ATP10A: variants seen among roughly 807,000 people sequenced by gnomAD.
ATP10A encodes phospholipid-transporting ATPase VA.
ATP10A carries 111 observed loss-of-function variants against 147.8 expected under a neutral mutation model. The observed-to-expected ratio is 0.75, with a 90% CI of 0.64 to 0.88. ATP10A has a LOEUF of 0.88. Ranked by LOEUF, ATP10A falls within the 40% of genes least tolerant of loss-of-function variation. The probability of loss-of-function intolerance (pLI) is 0.00; values close to 1 mark genes in which losing one functional copy is unlikely to be tolerated. For missense variants in ATP10A, 1,927 were observed against 1,959.0 expected, an observed-to-expected ratio of 0.98 and a Z score of 0.31; for synonymous variants, 875 against 841.6, an observed-to-expected ratio of 1.04 and a Z score of -0.69.
chr15:25,834,982 G>C (rs1401384770), intron 1 of ATP10A, among the ~76,000 whole-genome samples: 1 of 152,166 alleles, frequency 6.6e-6, no homozygotes, highest in Non-Finnish European at 1.5e-5. Flanking sequence ...AATGTGCTAG[G>C]CCAGGTGCAG....
intron 5 of ATP10A, among the ~76,000 whole-genome samples, chr15:25,724,586 G>A (rs919548194): frequency 4.6e-5 from 7 of 152,168 alleles, no homozygotes; most frequent in African/African-American, 1.7e-4. Context: ...ACACCCACTT[G>A]GTGTAGCCCT....
chr15:25,727,616 C>A (rs1377096712), intron 3 of ATP10A, among the ~76,000 whole-genome samples: 1 of 152,220 alleles, frequency 6.6e-6, no homozygotes, highest in African/African-American at 2.4e-5. Context: ...GGTCTCTGTA[C>A]ATCTCCTGCT....
intron 1 of ATP10A, among the ~76,000 whole-genome samples, chr15:25,857,084 T>C (rs901823505): frequency 6.6e-6 from 1 of 152,186 alleles, no homozygotes; most frequent in Admixed American, 6.5e-5. Flanking sequence ...AGCATACATA[T>C]TGAAAAGTAC....
chr15:25,750,557 T>TTGACAGCCAGTTCATCCTTAAGC (rs1169165295), intron 2 of ATP10A, among the ~76,000 whole-genome samples: 1 of 152,142 alleles, frequency 6.6e-6, no homozygotes, highest in Non-Finnish European at 1.5e-5. Flanking sequence ...GTTTTGTTAT[T>TTGACAGCCAGTTCATCCTTAAGC]TGACAGCCAG....
chr15:25,786,512 C>T (rs1167268028), intron 1 of ATP10A, among the ~76,000 whole-genome samples: 1 of 152,030 alleles, frequency 6.6e-6, no homozygotes, highest in African/African-American at 2.4e-5. Context: ...GTGGACCTCC[C>T]CTACAAAGGC....
In ATP10A at chr15:25,680,311, G is replaced by T; in HGVS notation, c.3679-3C>A. On this transcript the variant is annotated splice_polypyrimidine_tract_variant and splice_region_variant and intron_variant, in intron 19 of 20. Coordinates refer to ENST00000555815, the MANE Select transcript of ATP10A (RefSeq NM_024490.4). ...CACGTTATCCAGTTGAGCCAGGTCT[G>T]AGGGGGAATGAGAAAGAAAGGGCTT... 1 of 1,612,698 alleles carries T rather than the reference G, an allele frequency of 6.2e-7. No individual in the cohort carries two copies. The highest frequency in any genetic ancestry group is 8.5e-7 in the Non-Finnish European group (1 of 1,179,310).
intron 2 of ATP10A, among the ~76,000 whole-genome samples, chr15:25,752,125 T>G: frequency 6.6e-6 from 1 of 152,098 alleles, no homozygotes; most frequent in East Asian, 1.9e-4. Flanking sequence ...AAACTAAAAA[T>G]AGAATTACCA....
intron 2 of ATP10A, among the ~76,000 whole-genome samples, chr15:25,772,616 T>C (rs1161161955): frequency 6.6e-6 from 1 of 152,320 alleles, no homozygotes; most frequent in East Asian, 1.9e-4. Flanking sequence ...TGGCCTTCTT[T>C]ACCACACAAA....
intron 3 of ATP10A, among the ~76,000 whole-genome samples, chr15:25,730,169 T>A (rs1377048978): frequency 6.7e-6 from 1 of 148,622 alleles, no homozygotes; most frequent in Non-Finnish European, 1.5e-5. Context: ...GGCATGGTGG[T>A]ACACACCTGT....
chr15:25,684,126 T>C (rs1899578897), intron 16 of ATP10A: 3 of 152,324 alleles, frequency 2.0e-5, no homozygotes, highest in African/African-American at 4.8e-5. Flanking sequence ...CTGATCCTCA[T>C]AGCTACAGCT....
intron 5 of ATP10A, 150 bp downstream of exon 5, chr15:25,725,801 T>C: frequency 4.2e-6 from 4 of 942,288 alleles, no homozygotes; most frequent in Non-Finnish European, 5.8e-6. Flanking sequence ...GTATTTTTAG[T>C]AGAGATGGGA....
intron 2 of ATP10A, among the ~76,000 whole-genome samples, chr15:25,744,149 G>A (rs1887717087): frequency 6.6e-6 from 1 of 152,044 alleles, no homozygotes; most frequent in Non-Finnish European, 1.5e-5. Flanking sequence ...ATACAACACG[G>A]TGCCACTGCA....
chr15:25,693,737 C>T (rs1900159135), intron 14 of ATP10A, among the ~76,000 whole-genome samples: 1 of 152,214 alleles, frequency 6.6e-6, no homozygotes, highest in Non-Finnish European at 1.5e-5. Flanking sequence ...GCCCACTCTC[C>T]TTAGCGGTTA....
intron 1 of ATP10A, among the ~76,000 whole-genome samples, chr15:25,809,134 G>A (rs1259119756): frequency 6.6e-6 from 1 of 152,170 alleles, no homozygotes; most frequent in African/African-American, 2.4e-5. Flanking sequence ...GCTTCCTGAA[G>A]GATGGAAGAG....
At chr15:25,708,512 G>A in intron 10 of ATP10A, 3 of 523,126 alleles carry the variant, frequency 5.7e-6, no homozygotes, top group South Asian at 2.2e-5. Flanking sequence ...ATAGAGACAG[G>A]GTTTTGCCAC....
Position 25,760,253 on chromosome 15 carries a change from T to C in ATP10A, c.654+20766A>G, listed in dbSNP as rs112002384. ...TGGGCTTATCGAATATTTTAAATTA[T>C]ATGGGAAGCACTGTCAAAACATGGA... On this transcript the variant is annotated intron_variant, in intron 2 of 20. Transcript: ENST00000555815. Among the ~76,000 whole-genome samples, 605 of 152,318 alleles carry C rather than the reference T, an allele frequency of 4.0e-3. 6 individuals carry two copies. Among genetic ancestry groups the C allele is most frequent in the African/African-American group, 0.014 (577 of 41,574 alleles).
intron 2 of ATP10A, among the ~76,000 whole-genome samples, chr15:25,754,281 G>A (rs542859754): frequency 4.6e-5 from 7 of 152,176 alleles, no homozygotes; most frequent in East Asian, 3.9e-4. Flanking sequence ...CAACAGGCGC[G>A]TGCCACCATG....
At chr15:25,738,774 A>T (rs979295846) in intron 2 of ATP10A, among the ~76,000 whole-genome samples, 2 of 152,204 alleles carry the variant, frequency 1.3e-5, no homozygotes, top group Non-Finnish European at 2.9e-5. Context: ...CAACATAATT[A>T]CAAGTTTGGG....
intron 14 of ATP10A, among the ~76,000 whole-genome samples, chr15:25,692,042 C>T (rs893384938): frequency 6.6e-6 from 1 of 152,128 alleles, no homozygotes; most frequent in Non-Finnish European, 1.5e-5. Flanking sequence ...GGCGCCTGCT[C>T]TGCAGTGCCG....
Sources: allele counts gnomAD v4.1 joint callset (sites outside exome capture counted in the v4.1 genomes callset), GRCh38; gene constraint gnomAD v4.1.1; transcripts MANE v1.5; gene names NCBI Gene and HGNC (gene_info 2026-07-23, HGNC 2026-07-21).